The following GLT8D2 variants were observed in gnomAD, a reference collection of about 807,000 sequenced individuals.
The protein encoded by GLT8D2 is glycosyltransferase 8 domain-containing protein 2.
In GLT8D2, 45 loss-of-function variants were observed where a neutral mutation model predicts 44.5. The observed-to-expected ratio is 1.01, with a 90% CI of 0.80 to 1.30. The LOEUF (loss-of-function observed/expected upper bound fraction) is 1.30. Among genes scored for constraint, GLT8D2 ranks in the 50% most tolerant of loss-of-function variants. GLT8D2 has a pLI of 0.00. For missense variants in GLT8D2, 400 were observed against 430.4 expected (o/e 0.93, Z 0.62); for synonymous variants, 156 against 157.2 (o/e 0.99, Z 0.06).
chr12:104,055,036 G>T (rs1882059130), upstream of GLT8D2, among the ~76,000 whole-genome samples: 1 of 152,206 alleles, frequency 6.6e-6, no homozygotes, highest in African/African-American at 2.4e-5. Context: ...CCTGGGGCTA[G>T]CAATAGCAGG....
At chr12:104,061,837 G>A (rs1042959514) in intron 1 of GLT8D2, among the ~76,000 whole-genome samples, 7 of 151,630 alleles carry the variant, frequency 4.6e-5, no homozygotes, top group African/African-American at 1.2e-4. Context: ...TTAGCCAGGC[G>A]TGGTGGTGCA....
chr12:104,000,024 T>C (rs1873992787), intron 5 of GLT8D2, among the ~76,000 whole-genome samples: 1 of 152,180 alleles, frequency 6.6e-6, no homozygotes, highest in African/African-American at 2.4e-5. Flanking sequence ...GTTCCCCTTC[T>C]TCTCTTCCCC....
chr12:104,032,466 CAAAAAA>C (rs547392677), intron 1 of GLT8D2, among the ~76,000 whole-genome samples: 7,951 of 59,654 alleles, frequency 0.13, 261 homozygotes, highest in Non-Finnish European at 0.2. Flanking sequence ...TGTGCAATAG[CAAAAAA>C]AAAAAAAAAA....
chr12:104,033,804 GTGTA>G (rs1057495197), intron 1 of GLT8D2, among the ~76,000 whole-genome samples: 23 of 66,952 alleles, frequency 3.4e-4, no homozygotes, highest in African/African-American at 1.1e-3. Context: ...GTGTGTGTGT[GTGTA>G]TATATATATA....
chr12:104,045,414 T>C (rs1464451745), intron 1 of GLT8D2, among the ~76,000 whole-genome samples: 1 of 152,116 alleles, frequency 6.6e-6, no homozygotes. Flanking sequence ...CAGGCCTGTC[T>C]TCAGGACAGA....
intron 1 of GLT8D2, among the ~76,000 whole-genome samples, chr12:104,025,520 T>C (rs1878473384): frequency 2.0e-5 from 3 of 152,200 alleles, no homozygotes; most frequent in Non-Finnish European, 4.4e-5. Context: ...TTTTTTCTTT[T>C]ATAGATCATG....
chr12:104,021,858 GAGAAGA>G (rs1225008199), intron 1 of GLT8D2, among the ~76,000 whole-genome samples: 1 of 100,478 alleles, frequency 1.0e-5, no homozygotes, highest in African/African-American at 3.6e-5. Context: ...GAAGGAGAAG[GAGAAGA>G]AGAAAGAAGA....
chr12:104,012,319 G>C (rs1343699820), intron 4 of GLT8D2, among the ~76,000 whole-genome samples: 1 of 151,594 alleles, frequency 6.6e-6, no homozygotes, highest in African/African-American at 2.4e-5. Context: ...CCATGCCAAT[G>C]CTACATTCGT....
chr12:104,007,233 G>GCTCTCTCTCTCTCTCTCTCTCTCTCT lies in GLT8D2; in HGVS notation c.113-3953_113-3928dup, dbSNP rs57109528. 1.8e-3 allele frequency among the ~76,000 whole-genome samples: 119 copies of GCTCTCTCTCTCTCTCTCTCTCTCTCT among 66,356 alleles called. 14 individuals are homozygous for GCTCTCTCTCTCTCTCTCTCTCTCTCT. Among genetic ancestry groups the GCTCTCTCTCTCTCTCTCTCTCTCTCT allele is most frequent in the East Asian group, 9.6e-3 (15 of 1,560 alleles). 43.5% of individuals were successfully genotyped at this position (66,356 alleles called of 152,430 possible). A position where few individuals can be genotyped will look rare whatever the true frequency, so the allele number is the denominator to read the frequency against. On this transcript the variant is annotated intron_variant, in intron 4 of 10. Transcript: ENST00000360814. ...AGTACTCATCTGATTTATACTTAAA[G>GCTCTCTCTCTCTCTCTCTCTCTCTCT]CTCTCTCTCTCTCTCTCTCTCTCTC...
chr12:104,034,319 G>A (rs569283340), intron 1 of GLT8D2, among the ~76,000 whole-genome samples: 2 of 152,350 alleles, frequency 1.3e-5, no homozygotes, highest in Admixed American at 6.5e-5. Context: ...CAGAGGGTGA[G>A]CCGAAGCAGG....
At chr12:103,998,923 G>A (rs1220265467) in intron 6 of GLT8D2, among the ~76,000 whole-genome samples, 1 of 152,178 alleles carries the variant, frequency 6.6e-6, no homozygotes, top group Non-Finnish European at 1.5e-5. Flanking sequence ...GATTTCCAAT[G>A]CTAGGAAAAG....
rs183006424 is a variant in GLT8D2, at chr12:104,003,367, A to G, written c.113-61T>C. 24 of 1,433,668 alleles carry G rather than the reference A, an allele frequency of 1.7e-5. No homozygotes were observed. The East Asian group carries it at 2.7e-4, about 16-fold the overall frequency. 88.8% of individuals were successfully genotyped at this position (1,433,668 alleles called of 1,614,324 possible). ...AGAATTTCACAGTAGAGCCAGTTTA[A>G]TGCATCTTCCATACTCCTGGGGGAA... On this transcript the variant is annotated intron_variant, in intron 4 of 10. Transcript: ENST00000360814.
At chr12:104,062,367 C>A (rs1319803310) in intron 1 of GLT8D2, among the ~76,000 whole-genome samples, 1 of 151,966 alleles carries the variant, frequency 6.6e-6, no homozygotes, top group Non-Finnish European at 1.5e-5. Context: ...GCCACCGCAC[C>A]CGTCCTGAGA....
chr12:104,042,754 CAT>C (rs1182938756), intron 1 of GLT8D2, among the ~76,000 whole-genome samples: 1 of 152,144 alleles, frequency 6.6e-6, no homozygotes, highest in Non-Finnish European at 1.5e-5. Flanking sequence ...TAACATGAAA[CAT>C]AGCTGATGAG....
chr12:104,006,829 A>G (rs1875075465), intron 4 of GLT8D2, among the ~76,000 whole-genome samples: 1 of 152,230 alleles, frequency 6.6e-6, no homozygotes, highest in Non-Finnish European at 1.5e-5. Context: ...GAGCTATCTT[A>G]CAGGAGCCAG....
At chr12:104,056,490 G>A (rs1279262605) in intron 1 of GLT8D2, among the ~76,000 whole-genome samples, 1 of 152,146 alleles carries the variant, frequency 6.6e-6, no homozygotes, top group Non-Finnish European at 1.5e-5. Flanking sequence ...CTCAGGAGGA[G>A]GAATAGAAAG....
At chr12:104,039,815 T>G (rs1409870355) in intron 1 of GLT8D2, among the ~76,000 whole-genome samples, 1 of 152,256 alleles carries the variant, frequency 6.6e-6, no homozygotes, top group Non-Finnish European at 1.5e-5. Flanking sequence ...CAAAGGATTA[T>G]AAATCATGCT....
At chr12:104,006,175 T>C (rs569236249) in intron 4 of GLT8D2, among the ~76,000 whole-genome samples, 8 of 137,504 alleles carry the variant, frequency 5.8e-5, no homozygotes, top group South Asian at 4.5e-4. Flanking sequence ...TAGGTGGGAA[T>C]TGAACAATGA....
At position 103,989,552 on chromosome 12, in the gene GLT8D2, C is replaced by A; in HGVS notation, c.906G>T (p.Ser302=). The change falls in exon 11 of 11, where the codon TCG becomes TCT. Residue 302 remains serine (S), a synonymous_variant. Transcript: ENST00000360814. ...HLGWNPDARY[S]EHFLQEAKLL... ...ATTTAGCTTCCTGCAGAAAATGCTC[C>A]GAATATCTGGCATCTGGATTCCAGC... The A allele has an allele frequency of 6.2e-7, 1 of 1,612,186 alleles. No individual in the cohort carries two copies. The highest frequency in any genetic ancestry group is 8.5e-7 in the Non-Finnish European group (1 of 1,179,224).
Sources: gnomAD v4.1 joint callset for allele counts (sites outside exome capture counted in the v4.1 genomes callset) on GRCh38, gnomAD v4.1.1 for gene constraint, MANE v1.5 for transcripts, NCBI Gene and HGNC (gene_info 2026-07-23, HGNC 2026-07-21) for gene names.